Variants in OPCML observed in about 807,000 individuals in gnomAD.
The protein encoded by OPCML is opioid-binding protein/cell adhesion molecule.
Under a neutral mutation model 37.8 loss-of-function variants are expected in OPCML, and 13 were observed. The ratio of observed to expected loss-of-function variants is 0.34; its 90% confidence interval spans 0.22 to 0.55. The LOEUF is 0.55. Ranked by LOEUF, OPCML falls within the 20% of genes least tolerant of loss-of-function variation. The pLI is 0.91. For missense variants in OPCML, 341 were observed against 435.6 expected, an observed-to-expected ratio of 0.78 and a Z score of 1.93; for synonymous variants, 176 against 168.8, an observed-to-expected ratio of 1.04 and a Z score of -0.33.
chr11:133,319,906 G>C lies in OPCML; in HGVS notation c.61+212358C>G, dbSNP rs972230176. On this transcript the variant is annotated intron_variant, in intron 1 of 7. Coordinates refer to ENST00000524381, the MANE Select transcript of OPCML (RefSeq NM_001012393.5). ...TTATTTGAGTAGTTCAGAAAAAACA[G>C]AATTTTTTGGAATTTCCAAGGCATA... Among the ~76,000 whole-genome samples, 3 of 152,180 alleles carry C rather than the reference G, an allele frequency of 2.0e-5. No individual in the cohort carries two copies. In the East Asian group the frequency reaches 5.8e-4, roughly 29 times the overall value.
chr11:133,330,928 G>GA (rs1943604524), intron 1 of OPCML, among the ~76,000 whole-genome samples: 1 of 152,148 alleles, frequency 6.6e-6, no homozygotes, highest in Admixed American at 6.5e-5. Flanking sequence ...GACAACCGAA[G>GA]TTCAAAGAAG....
chr11:133,280,972 G>A (rs536632930), intron 1 of OPCML, among the ~76,000 whole-genome samples: 53 of 152,224 alleles, frequency 3.5e-4, no homozygotes, highest in Non-Finnish European at 5.7e-4. Context: ...CAATGTTCTC[G>A]TCCCTTAGGG....
In OPCML at chr11:132,615,461, G is replaced by A. The variant is rs904451950; in HGVS notation, c.379+41626C>T. Among the ~76,000 whole-genome samples the A allele has an allele frequency of 1.2e-4, 18 of 152,224 alleles. No homozygotes were observed. The South Asian group carries it at 2.9e-3, about 25-fold the overall frequency. On this transcript the variant is annotated intron_variant, in intron 3 of 7. Transcript: ENST00000524381. The stretch of plus-strand genomic sequence containing the variant: ...AGTAGAGTTGGCTCTCTTTATCAGC[G>A]AGTTCCATGTCCACAGATTTAACCA...
At chr11:132,606,330 C>T (rs923868254) in intron 3 of OPCML, among the ~76,000 whole-genome samples, 34 of 152,120 alleles carry the variant, frequency 2.2e-4, no homozygotes, top group African/African-American at 7.5e-4. Context: ...GCTGGGGAGA[C>T]GCTCGTCCTG....
chr11:133,011,666 T>A (rs1169498040), intron 1 of OPCML, among the ~76,000 whole-genome samples: 2 of 152,120 alleles, frequency 1.3e-5, no homozygotes, highest in Non-Finnish European at 2.9e-5. Flanking sequence ...TGGAGTCAAT[T>A]ATCTTTACAG....
At chr11:132,886,056 T>G (rs1943401014) in intron 2 of OPCML, among the ~76,000 whole-genome samples, 1 of 152,214 alleles carries the variant, frequency 6.6e-6, no homozygotes, top group Admixed American at 6.5e-5. Flanking sequence ...CCTCTTTCCA[T>G]AATAAGTATA....
intron 4 of OPCML, among the ~76,000 whole-genome samples, chr11:132,486,222 CAG>C (rs1484055531): frequency 6.6e-6 from 1 of 152,148 alleles, no homozygotes; most frequent in Non-Finnish European, 1.5e-5. Flanking sequence ...GGGGATTCTG[CAG>C]AGGGTTTCCT....
chr11:132,837,523 T>C (rs544410660), intron 2 of OPCML, among the ~76,000 whole-genome samples: 2 of 152,220 alleles, frequency 1.3e-5, no homozygotes, highest in South Asian at 2.1e-4. Flanking sequence ...GGGAAAATGA[T>C]AGGACCTGCT....
At chr11:132,883,320 G>C (rs1035287717) in intron 2 of OPCML, among the ~76,000 whole-genome samples, 1 of 151,852 alleles carries the variant, frequency 6.6e-6, no homozygotes, top group African/African-American at 2.4e-5. Context: ...CATTATTTTA[G>C]GTCAGGCACC....
intron 2 of OPCML, among the ~76,000 whole-genome samples, chr11:132,937,998 T>C (rs571014287): frequency 6.6e-6 from 1 of 151,746 alleles, no homozygotes; most frequent in African/African-American, 2.4e-5. Context: ...GTGATTTGAG[T>C]GGAATCCAAA....
At chr11:133,226,672 A>G (rs889137961) in intron 1 of OPCML, among the ~76,000 whole-genome samples, 2 of 152,202 alleles carry the variant, frequency 1.3e-5, no homozygotes, top group Admixed American at 1.3e-4. Context: ...TACCTTCTCT[A>G]TCACTACTAA....
At chr11:133,243,636 G>C (rs1381627754) in intron 1 of OPCML, among the ~76,000 whole-genome samples, 2 of 152,214 alleles carry the variant, frequency 1.3e-5, no homozygotes, top group Non-Finnish European at 2.9e-5. Context: ...CAAACACACG[G>C]CTCCAGTCCT....
chr11:132,980,655 T>G (rs1185463729), intron 1 of OPCML, among the ~76,000 whole-genome samples: 1 of 152,210 alleles, frequency 6.6e-6, no homozygotes, highest in Non-Finnish European at 1.5e-5. Flanking sequence ...AACAAGGATG[T>G]ACGTTTCCAT....
At chr11:133,328,602 T>A (rs1045516044) in intron 1 of OPCML, among the ~76,000 whole-genome samples, 5 of 152,174 alleles carry the variant, frequency 3.3e-5, no homozygotes, top group African/African-American at 9.7e-5. Context: ...TACTAAATAT[T>A]GAGGACACAA....
chr11:133,097,059 A>G (rs573658477), intron 1 of OPCML, among the ~76,000 whole-genome samples: 1 of 152,296 alleles, frequency 6.6e-6, no homozygotes, highest in South Asian at 2.1e-4. Flanking sequence ...ATATAATTGA[A>G]ATCTATAGAC....
chr11:132,986,440 G>A (rs1038777206), intron 1 of OPCML, among the ~76,000 whole-genome samples: 3 of 152,192 alleles, frequency 2.0e-5, no homozygotes, highest in Admixed American at 2.0e-4. Flanking sequence ...GAGTAGGAGA[G>A]AAGTCAGTCT....
chr11:132,879,416 G>T (rs1317302185), intron 2 of OPCML, among the ~76,000 whole-genome samples: 4 of 152,218 alleles, frequency 2.6e-5, no homozygotes, highest in Admixed American at 6.5e-5. Flanking sequence ...AAAGAGTTAT[G>T]AAAGTTTCTG....
At chr11:133,026,499 C>A in intron 1 of OPCML, 5 of 985,374 alleles carry the variant, frequency 5.1e-6, no homozygotes, top group Non-Finnish European at 6.0e-6. Context: ...TAGGTTTTGT[C>A]CTGCTGGCAG....
intron 2 of OPCML, chr11:132,810,843 G>C (rs192102253): frequency 1.5e-4 from 23 of 152,318 alleles, no homozygotes; most frequent in African/African-American, 4.6e-4. Context: ...TAAGGGCTGA[G>C]TCTTTATACC....
Sources: gnomAD v4.1 joint callset for allele counts (sites outside exome capture counted in the v4.1 genomes callset) on GRCh38, gnomAD v4.1.1 for gene constraint, MANE v1.5 for transcripts, NCBI Gene and HGNC (gene_info 2026-07-23, HGNC 2026-07-21) for gene names.